FALEC: variants seen among roughly 807,000 people sequenced by gnomAD.
FALEC encodes focally amplified lncRNA on chromosome 1.
downstream of FALEC, among the ~76,000 whole-genome samples, chr1:150,522,973 A>ATTTTTTT: frequency 3.3e-5 from 1 of 30,714 alleles, no homozygotes; most frequent in Non-Finnish European, 6.2e-5. Context: ...ATATATATAT[A>ATTTTTTT]TATATATATA....
At chr1:150,529,550 A>G in the FALEC span, among the ~76,000 whole-genome samples, 1 of 151,860 alleles carries the variant, frequency 6.6e-6, no homozygotes, top group Non-Finnish European at 1.5e-5. Context: ...GTCTTCCCCT[A>G]TGGCCTGCTT....
the FALEC span, among the ~76,000 whole-genome samples, chr1:150,530,382 CACA>C: frequency 6.6e-6 from 1 of 152,118 alleles, no homozygotes; most frequent in African/African-American, 2.4e-5. Context: ...TTTTGCTAAG[CACA>C]ACATCTGATC....
downstream of FALEC, among the ~76,000 whole-genome samples, chr1:150,519,973 A>C (rs1292784825): frequency 6.6e-6 from 1 of 151,880 alleles, no homozygotes; most frequent in Non-Finnish European, 1.5e-5. Flanking sequence ...ACCATGGAGA[A>C]ACCTCATCTC....
At chr1:150,535,702 A>C in the FALEC span, among the ~76,000 whole-genome samples, 1 of 152,212 alleles carries the variant, frequency 6.6e-6, no homozygotes, top group African/African-American at 2.4e-5. Context: ...GGCCCCCTCC[A>C]CACAGCCAGT....
the FALEC span, among the ~76,000 whole-genome samples, chr1:150,526,551 C>CTCTGTTGCCCAGT: frequency 9.9e-5 from 15 of 152,052 alleles, no homozygotes; most frequent in East Asian, 2.5e-3. Context: ...GATTCTCCTG[C>CTCTGTTGCCCAGT]CTCAGCCTCC....
the FALEC span, among the ~76,000 whole-genome samples, chr1:150,526,218 C>T: frequency 1.3e-5 from 2 of 151,912 alleles, no homozygotes; most frequent in African/African-American, 2.4e-5. Flanking sequence ...GGCGCGGTAG[C>T]GGGCACCTGT....
At chr1:150,525,921 T>C in the FALEC span, among the ~76,000 whole-genome samples, 1 of 152,288 alleles carries the variant, frequency 6.6e-6, no homozygotes, top group East Asian at 1.9e-4. Context: ...AGATTACAGG[T>C]GTCAGCAACC....
At chr1:150,516,250 A>C (rs1167779708) in intron 1 of FALEC, among the ~76,000 whole-genome samples, 1 of 152,072 alleles carries the variant, frequency 6.6e-6, no homozygotes, top group Non-Finnish European at 1.5e-5. Flanking sequence ...CTGTCTCAAA[A>C]AAAAAAAGGG....
chr1:150,529,016 C>CAAAAAAAAAAAAAAAAATA, the FALEC span, among the ~76,000 whole-genome samples: 1 of 59,292 alleles, frequency 1.7e-5, no homozygotes, highest in Non-Finnish European at 3.0e-5. Context: ...AAATAAATAG[C>CAAAAAAAAAAAAAAAAATA]AAAAAAAAAA....
At chr1:150,522,886 T>TAC (rs1374579628), downstream of FALEC, among the ~76,000 whole-genome samples, 2 of 98,552 alleles carry the variant, frequency 2.0e-5, no homozygotes, top group African/African-American at 8.2e-5. Flanking sequence ...CATATATATA[T>TAC]ACGTATATAT....
At chr1:150,526,617 T>C in the FALEC span, among the ~76,000 whole-genome samples, 4 of 151,718 alleles carry the variant, frequency 2.6e-5, no homozygotes, top group Admixed American at 2.6e-4. Flanking sequence ...TTTGTATTTT[T>C]ATTTCTATTT....
chr1:150,523,137 A>G, the FALEC span, among the ~76,000 whole-genome samples: 351 of 144,100 alleles, frequency 2.4e-3, 2 homozygotes, highest in African/African-American at 8.6e-3. Context: ...ACAGGCATGC[A>G]CCACCATGCC....
chr1:150,524,123 G>A, the FALEC span, among the ~76,000 whole-genome samples: 2 of 152,094 alleles, frequency 1.3e-5, no homozygotes, highest in Non-Finnish European at 2.9e-5. Context: ...GTTGTTTTAC[G>A]CTGCTAGATT....
the FALEC span, among the ~76,000 whole-genome samples, chr1:150,529,016 C>CAAAAAAAAAAAAAAAAAAAAAAAAA: frequency 1.5e-3 from 91 of 59,288 alleles, 13 homozygotes; most frequent in Non-Finnish European, 2.2e-3. Context: ...AAATAAATAG[C>CAAAAAAAAAAAAAAAAAAAAAAAAA]AAAAAAAAAA....
intron 1 of FALEC, among the ~76,000 whole-genome samples, chr1:150,516,989 A>C (rs1284076251): frequency 6.6e-6 from 1 of 152,138 alleles, no homozygotes; most frequent in Non-Finnish European, 1.5e-5. Context: ...GAAATAACAC[A>C]GAAAGTGTGG....
At chr1:150,535,846 G>A in the FALEC span, among the ~76,000 whole-genome samples, 8 of 152,192 alleles carry the variant, frequency 5.3e-5, no homozygotes, top group African/African-American at 1.2e-4. Flanking sequence ...ACTGGAGAAC[G>A]AAAGTCCACA....
At chr1:150,526,869 C>T in the FALEC span, among the ~76,000 whole-genome samples, 4 of 151,586 alleles carry the variant, frequency 2.6e-5, no homozygotes, top group South Asian at 2.1e-4. Flanking sequence ...CTCCTGACCT[C>T]GTGATCCACC....
chr1:150,529,016 C>CAAAAAAAAAAAAA, the FALEC span, among the ~76,000 whole-genome samples: 1,000 of 59,142 alleles, frequency 0.017, 99 homozygotes, highest in Non-Finnish European at 0.021. Flanking sequence ...AAATAAATAG[C>CAAAAAAAAAAAAA]AAAAAAAAAA....
At chr1:150,520,925 C>G (rs1670634223), downstream of FALEC, among the ~76,000 whole-genome samples, 1 of 151,388 alleles carries the variant, frequency 6.6e-6, no homozygotes, top group African/African-American at 2.4e-5. Flanking sequence ...CTTCAGCCTC[C>G]CATGTAGTTG....
Sources: gnomAD v4.1 joint callset for allele counts (sites outside exome capture counted in the v4.1 genomes callset) on GRCh38, gnomAD v4.1.1 for gene constraint, MANE v1.5 for transcripts, NCBI Gene and HGNC (gene_info 2026-07-23, HGNC 2026-07-21) for gene names.